LCN9: variants seen among roughly 807,000 people sequenced by gnomAD.
The protein encoded by LCN9 is lipocalin 9.
LCN9 carries 22 observed loss-of-function variants against 18.5 expected under a neutral mutation model. That is an observed-to-expected ratio of 1.19 (90% CI 0.85 to 1.70). The LOEUF is 1.70. Ranked by LOEUF, LCN9 falls within the 40% of genes most tolerant of loss-of-function variation. The pLI is 0.00. For missense variants in LCN9, 202 were observed against 201.3 expected, an observed-to-expected ratio of 1.00 and a Z score of -0.02; for synonymous variants, 89 against 83.0, an observed-to-expected ratio of 1.07 and a Z score of -0.39.
exon 6 of LCN9, chr9:135,666,459 T>A (rs1029272551): frequency 3.8e-6 from 1 of 261,828 alleles, no homozygotes; most frequent in African/African-American, 2.3e-5. Context: ...CAAAGACCCT[T>A]TCCCATCAGA....
chr9:135,665,681 T>C lies in LCN9; in HGVS notation c.419-7T>C, dbSNP rs773643620. The C allele has an allele frequency of 2.5e-6, 4 of 1,611,870 alleles. No homozygotes were observed. In the South Asian group the frequency reaches 3.3e-5, roughly 13 times the overall value. On this transcript the variant is annotated splice_region_variant and splice_polypyrimidine_tract_variant and intron_variant, in intron 4 of 5. Transcript: ENST00000619315. The surrounding 1 kb of genome is among the most constrained non-coding windows in gnomAD (Gnocchi z 5.9). ...GTCCCATAGCTGGAACCCTCCTTCC[T>C]GAGCAGATTTGAAGAAACCTGCGAA...
Position 135,665,452 on chromosome 9 carries a change from G to A in LCN9, c.418+97G>A. On this transcript the variant is annotated intron_variant, in intron 4 of 5. Transcript: ENST00000619315. This position sits in a 1 kb window ranked among gnomAD's most constrained non-coding sequence, Gnocchi z 5.9. ...GAGGAGGGTCTCGCAGTGGCCCTGG[G>A]GTTTGGAGAGGTGGTTCCCGTTGGC... 3 of 1,032,382 alleles carry A rather than the reference G, an allele frequency of 2.9e-6. No homozygotes were observed. Among genetic ancestry groups the A allele is most frequent in the Middle Eastern group, 2.8e-4 (1 of 3,526 alleles). The allele number at this position is 1,032,382 out of a possible 1,614,324, so 64.0% of individuals were successfully genotyped here.
chr9:135,663,835 G>A (rs370611512), intron 1 of LCN9, among the ~76,000 whole-genome samples: 19 of 29,912 alleles, frequency 6.4e-4, no homozygotes, highest in Admixed American at 1.5e-3. Context: ...GACCTGTGGG[G>A]CAGAGGGGGC....
In LCN9 at chr9:135,665,868, C is replaced by T. The variant is rs928785557; in HGVS notation, c.*17C>T. On this transcript the variant is annotated 3_prime_UTR_variant, in exon 6 of 6. Transcript: ENST00000619315. This position sits in a 1 kb window ranked among gnomAD's most constrained non-coding sequence, Gnocchi z 5.9. ...CCCCCTCTGTCCTTCCAGATCCCTG[C>T]TACTCCAAGCATTACAGGAGCCCGC... 3 of 1,612,826 alleles carry T rather than the reference C, an allele frequency of 1.9e-6. No individual in the cohort carries two copies. In the African/African-American group the frequency reaches 4.0e-5, roughly 22 times the overall value.
rs899958562 is a variant in LCN9 at position 135,664,638 on chromosome 9, T to C, written c.234-84T>C. On this transcript the variant is annotated intron_variant, in intron 2 of 5. Coordinates refer to ENST00000619315, the Ensembl canonical transcript of LCN9. The surrounding 1 kb of genome is among the most constrained non-coding windows in gnomAD (Gnocchi z 4.5). ...CCTGGGCATTGGGAGGGTGAGCCTG[T>C]GCCCTGGAGGAGGGGTGCTCTCTGC... is the stretch of plus-strand genomic sequence containing the variant. 2.4e-6 allele frequency: 3 copies of C among 1,234,086 alleles called. No individual in the cohort carries two copies. In the African/African-American group the frequency reaches 4.6e-5, roughly 19 times the overall value. The allele number at this position is 1,234,086 out of a possible 1,614,324, so 76.4% of individuals were successfully genotyped here.
chr9:135,664,011 G>A lies in LCN9; in HGVS notation c.97-151G>A, dbSNP rs1169491570. Reference sequence around the variant, plus strand: ...GGGGGTAAAGGGGGGATCTGGTGACGAGGGGAGACCTGGGGGCACTGGAAG... The same window carrying A: ...GGGGGTAAAGGGGGGATCTGGTGACAAGGGGAGACCTGGGGGCACTGGAAG... On this transcript the variant is annotated intron_variant, in intron 1 of 5. Coordinates refer to ENST00000619315, the Ensembl canonical transcript of LCN9. This position sits in a 1 kb window ranked among gnomAD's most constrained non-coding sequence, Gnocchi z 4.5. 3.5e-5 allele frequency: 26 copies of A among 752,556 alleles called. No homozygotes were observed. The highest frequency in any genetic ancestry group is 5.0e-5 in the Non-Finnish European group (24 of 479,184). The allele number at this position is 752,556 out of a possible 1,614,324, so 46.6% of individuals were successfully genotyped here.
rs11787611 is a variant in LCN9 at position 135,665,135 on chromosome 9, C to T, written c.308-110C>T. On this transcript the variant is annotated intron_variant, in intron 3 of 5. Transcript: ENST00000619315. The surrounding 1 kb of genome is among the most constrained non-coding windows in gnomAD (Gnocchi z 5.9). The stretch of plus-strand genomic sequence containing the variant: ...TGAGCACCGTGGGCTCCTCCCCTCC[C>T]GCCTCAAAAGGCCACTTGACCCCCC... The T allele has an allele frequency of 0.03, 23,468 of 780,148 alleles. 747 individuals are homozygous for T. Among genetic ancestry groups the T allele is most frequent in the Admixed American group, 0.091 (4,481 of 49,106 alleles). The allele number at this position is 780,148 out of a possible 1,614,324, so 48.3% of individuals were successfully genotyped here.
At chr9:135,663,472 T>G in intron 1 of LCN9, 55 bp downstream of exon 1, 1 of 1,492,974 alleles carries the variant, frequency 6.7e-7, no homozygotes, top group Non-Finnish European at 9.3e-7. Flanking sequence ...GCACCTGTCT[T>G]CCCCCAGCCT....
chr9:135,665,272 C>T lies in LCN9; in HGVS notation c.335C>T (p.Ser112Leu), dbSNP rs1403252169. ...GAGGGCCAGAACACAGTGGCCGTCTCGGAGACTGACTACAGGCTGTTCATC... is the reference window on the plus strand; with the variant it reads ...GAGGGCCAGAACACAGTGGCCGTCTTGGAGACTGACTACAGGCTGTTCATC... Residue 112 changes from serine to leucine, a missense_variant, in exon 4 of 6, where the codon TCG becomes TTG. Physicochemically the swap from Ser to Leu is moderately radical, Grantham distance 145 (BLOSUM62 -2). Coordinates refer to ENST00000619315, the Ensembl canonical transcript of LCN9. This position sits in a 1 kb window ranked among gnomAD's most constrained non-coding sequence, Gnocchi z 5.9. The T allele has an allele frequency of 2.5e-6, 4 of 1,602,842 alleles. No individual in the cohort carries two copies. Among genetic ancestry groups the T allele is most frequent in the African/African-American group, 1.3e-5 (1 of 74,778 alleles).
chr9:135,665,771 G>A lies in LCN9; in HGVS notation c.*9+19G>A, dbSNP rs201513815. On this transcript the variant is annotated intron_variant, in intron 5 of 5. Coordinates refer to ENST00000619315, the Ensembl canonical transcript of LCN9. This position sits in a 1 kb window ranked among gnomAD's most constrained non-coding sequence, Gnocchi z 5.9. ...AACAAAGGTCAGCCCCACTGCTCCCGGACCAAGCGGGAGCCGGGACAGGGT... is the reference window on the plus strand; with the variant it reads ...AACAAAGGTCAGCCCCACTGCTCCCAGACCAAGCGGGAGCCGGGACAGGGT... 232 of 1,612,856 alleles carry A rather than the reference G, an allele frequency of 1.4e-4. 1 individual carries two copies. The African/African-American group carries it at 1.9e-3, about 14-fold the overall frequency.
Position 135,664,653 on chromosome 9 carries a change from G to GT in LCN9, c.234-68dup. The GT allele has an allele frequency of 1.5e-6, 2 of 1,356,824 alleles. No homozygotes were observed. The highest frequency in any genetic ancestry group is 2.0e-6 in the Non-Finnish European group (2 of 995,310). 84.0% of individuals were successfully genotyped at this position (1,356,824 alleles called of 1,614,324 possible). Reference sequence around the variant, plus strand: ...GGTGAGCCTGTGCCCTGGAGGAGGGGTGCTCTCTGCCATCGCACGTCCAGG... The same window carrying GT: ...GGTGAGCCTGTGCCCTGGAGGAGGGGTTGCTCTCTGCCATCGCACGTCCAGG... On this transcript the variant is annotated intron_variant, in intron 2 of 5. Transcript: ENST00000619315. This position sits in a 1 kb window ranked among gnomAD's most constrained non-coding sequence, Gnocchi z 4.5.
At position 135,665,682 on chromosome 9, in the gene LCN9, G is replaced by A. The variant is rs1412898219; in HGVS notation, c.419-6G>A. 6.2e-7 allele frequency: 1 copy of A among 1,611,566 alleles called. No individual in the cohort carries two copies. The highest frequency in any genetic ancestry group is 8.5e-7 in the Non-Finnish European group (1 of 1,178,990). Reference sequence around the variant, plus strand: ...TCCCATAGCTGGAACCCTCCTTCCTGAGCAGATTTGAAGAAACCTGCGAAA... The same window carrying A: ...TCCCATAGCTGGAACCCTCCTTCCTAAGCAGATTTGAAGAAACCTGCGAAA... On this transcript the variant is annotated splice_region_variant and splice_polypyrimidine_tract_variant and intron_variant, in intron 4 of 5. Transcript: ENST00000619315. The surrounding 1 kb of genome is among the most constrained non-coding windows in gnomAD (Gnocchi z 5.9).
Position 135,665,928 on chromosome 9 carries a change from G to C in LCN9, c.*77G>C. ...CCATGCGTGAGCTGCGACTCGGGAC[G>C]GGCAGGGGGCTGGATGGGGAGAGCT... On this transcript the variant is annotated 3_prime_UTR_variant, in exon 6 of 6. Coordinates refer to ENST00000619315, the Ensembl canonical transcript of LCN9. The surrounding 1 kb of genome is among the most constrained non-coding windows in gnomAD (Gnocchi z 5.9). 2 of 1,608,026 alleles carry C rather than the reference G, an allele frequency of 1.2e-6. No individual in the cohort carries two copies. Among genetic ancestry groups the C allele is most frequent in the Non-Finnish European group, 1.7e-6 (2 of 1,178,532 alleles).
chr9:135,665,433 G>T lies in LCN9; in HGVS notation c.418+78G>T. 1 of 1,218,938 alleles carries T rather than the reference G, an allele frequency of 8.2e-7. No individual in the cohort carries two copies. The highest frequency in any genetic ancestry group is 1.2e-6 in the Non-Finnish European group (1 of 847,914). 75.5% of individuals were successfully genotyped at this position (1,218,938 alleles called of 1,614,324 possible). On this transcript the variant is annotated intron_variant, in intron 4 of 5. Coordinates refer to ENST00000619315, the Ensembl canonical transcript of LCN9. The surrounding 1 kb of genome is among the most constrained non-coding windows in gnomAD (Gnocchi z 5.9). ...TCCGGCCCAACCCTGGGCGGAGGAG[G>T]GTCTCGCAGTGGCCCTGGGGTTTGG... is the stretch of plus-strand genomic sequence containing the variant.
Position 135,664,827 on chromosome 9 carries a change from C to T in LCN9, c.307+32C>T, listed in dbSNP as rs774666059. The T allele has an allele frequency of 6.4e-7, 1 of 1,552,362 alleles. No homozygotes were observed. The highest frequency in any genetic ancestry group is 8.7e-7 in the Non-Finnish European group (1 of 1,146,176). On this transcript the variant is annotated intron_variant, in intron 3 of 5. Coordinates refer to ENST00000619315, the Ensembl canonical transcript of LCN9. This position sits in a 1 kb window ranked among gnomAD's most constrained non-coding sequence, Gnocchi z 4.5. ...GGAAGCCAGGCTCCTCCTGGTCTCA[C>T]AGTCGGGGGTCTCCTTTCTCCAGGG...
At chr9:135,666,154 T>G in exon 6 of LCN9, 1 of 1,581,664 alleles carries the variant, frequency 6.3e-7, no homozygotes. Context: ...CAGGGGCTGA[T>G]GTCACCATAT....
Position 135,665,918 on chromosome 9 carries a change from G to A in LCN9, c.*67G>A, listed in dbSNP as rs776753527. ...CCCAGGCCTCCCATGCGTGAGCTGC[G>A]ACTCGGGACGGGCAGGGGGCTGGAT... On this transcript the variant is annotated 3_prime_UTR_variant, in exon 6 of 6. Transcript: ENST00000619315. The surrounding 1 kb of genome is among the most constrained non-coding windows in gnomAD (Gnocchi z 5.9). 77 of 1,610,216 alleles carry A rather than the reference G, an allele frequency of 4.8e-5. No individual in the cohort carries two copies. The highest frequency in any genetic ancestry group is 2.5e-4 in the East Asian group (11 of 44,800).
Position 135,665,171 on chromosome 9 carries a change from G to T in LCN9, c.308-74G>T. On this transcript the variant is annotated intron_variant, in intron 3 of 5. Transcript: ENST00000619315. The surrounding 1 kb of genome is among the most constrained non-coding windows in gnomAD (Gnocchi z 5.9). ...GCCACTTGACCCCCCATCCTCACTTGCGGCCACACAGCACGTGTCACAGGA... is the reference window on the plus strand; with the variant it reads ...GCCACTTGACCCCCCATCCTCACTTTCGGCCACACAGCACGTGTCACAGGA... The T allele has an allele frequency of 9.6e-7, 1 of 1,039,628 alleles. No individual in the cohort carries two copies. Among genetic ancestry groups the T allele is most frequent in the Non-Finnish European group, 1.5e-6 (1 of 685,006 alleles). 64.4% of individuals were successfully genotyped at this position (1,039,628 alleles called of 1,614,324 possible).
rs1834204538 is a variant in LCN9, at chr9:135,665,587, C to A, written c.419-101C>A. The A allele has an allele frequency of 1.7e-6, 2 of 1,202,572 alleles. No individual in the cohort carries two copies. The highest frequency in any genetic ancestry group is 1.5e-5 in the African/African-American group (1 of 66,548). 74.5% of individuals were successfully genotyped at this position (1,202,572 alleles called of 1,614,324 possible). A position where few individuals can be genotyped will look rare whatever the true frequency, so the allele number is the denominator to read the frequency against. ...GGTCAGGGCGTGACCCCCTGCCCAG[C>A]CTCAGCACTTCCTGAGCACCCCCAG... On this transcript the variant is annotated intron_variant, in intron 4 of 5. Coordinates refer to ENST00000619315, the Ensembl canonical transcript of LCN9. This position sits in a 1 kb window ranked among gnomAD's most constrained non-coding sequence, Gnocchi z 5.9.
Sources: allele counts gnomAD v4.1 joint callset (sites outside exome capture counted in the v4.1 genomes callset), GRCh38; gene constraint gnomAD v4.1.1; non-coding constraint Gnocchi (gnomAD v3.1); transcripts MANE v1.5; gene names NCBI Gene and HGNC (gene_info 2026-07-23, HGNC 2026-07-21).